NBPF12: variants seen among roughly 807,000 people sequenced by gnomAD.
The protein encoded by NBPF12 is NBPF member 12.
In NBPF12, 115 loss-of-function variants were observed where a neutral mutation model predicts 146.4. That is an observed-to-expected ratio of 0.79 (90% confidence interval 0.68 to 0.92). The LOEUF is 0.92. Ranked by LOEUF, NBPF12 falls within the 40% of genes least tolerant of loss-of-function variation. The pLI is 0.00. For missense variants in NBPF12, 1,205 were observed against 1,326.8 expected (o/e 0.91, Z 1.43); for synonymous variants, 385 against 508.9 (o/e 0.76, Z 3.28).
At chr1:146,950,824 T>C (rs1471194897) in intron 1 of NBPF12, among the ~76,000 whole-genome samples, 2 of 152,154 alleles carry the variant, frequency 1.3e-5, no homozygotes, top group Non-Finnish European at 2.9e-5. Flanking sequence ...TTGATAGATA[T>C]TTGAATGTTT....
In NBPF12 at chr1:146,984,936, CT is replaced by C; in HGVS notation, c.2794del (p.Tyr932ThrfsTer67). On this transcript the variant is annotated frameshift_variant, in exon 22 of 34. Coordinates refer to ENST00000617844, the Ensembl canonical transcript of NBPF12. LOFTEE classifies it high-confidence loss of function. The stretch of plus-strand genomic sequence containing the variant: ...ACTCATGCCAGCCCTACAGAAGTGC[CT>C]TTTACGTATTGGAGCAACAGCGTGT... 2.6e-6 allele frequency: 4 copies of C among 1,536,586 alleles called. No homozygotes were observed. The highest frequency in any genetic ancestry group is 2.7e-6 in the Non-Finnish European group (3 of 1,116,260).
chr1:146,962,717 C>T (rs1655937742), intron 5 of NBPF12, among the ~76,000 whole-genome samples: 6 of 148,396 alleles, frequency 4.0e-5, no homozygotes, highest in African/African-American at 1.3e-4. Context: ...CACCTGGCCT[C>T]ATTTCTGTAC....
At chr1:146,944,503 G>A (rs1279450688), upstream of NBPF12, among the ~76,000 whole-genome samples, 3 of 148,450 alleles carry the variant, frequency 2.0e-5, no homozygotes, top group African/African-American at 7.5e-5. Flanking sequence ...AGTGGACAAG[G>A]AGCAGCAGGG....
rs1304962910 is a variant in NBPF12 at position 146,969,104 on chromosome 1, T to G, written c.1092-278T>G. The stretch of plus-strand genomic sequence containing the variant: ...CAGAGTGAGGAACTGAAAGGATGTC[T>G]TTTTGAAACGGAATTAGGAAGACAC... On this transcript the variant is annotated intron_variant, in intron 10 of 33. Coordinates refer to ENST00000617844, the Ensembl canonical transcript of NBPF12. Among the ~76,000 whole-genome samples, 206 of 151,466 alleles carry G rather than the reference T, an allele frequency of 1.4e-3. 8 individuals carry two copies. The highest frequency in any genetic ancestry group is 4.7e-3 in the African/African-American group (193 of 40,994).
At chr1:146,972,816 G>C in exon 14 of NBPF12, 3 of 1,367,530 alleles carry the variant, frequency 2.2e-6, no homozygotes, top group South Asian at 2.3e-5. Flanking sequence ...TTTGTCCAGC[G>C]AGAAGGCAGA....
At chr1:146,971,183 G>A in exon 13 of NBPF12, 1 of 1,611,232 alleles carries the variant, frequency 6.2e-7, no homozygotes, top group Non-Finnish European at 8.5e-7. Flanking sequence ...GGCTCATCAG[G>A]GAGATGCAGA....
chr1:146,963,266 G>T (rs1448885704), exon 6 of NBPF12: 16 of 1,611,862 alleles, frequency 9.9e-6, no homozygotes, highest in Admixed American at 6.7e-5. Context: ...AGCTGGCTGA[G>T]GGGTGTAGAC....
exon 7 of NBPF12, chr1:146,964,428 A>G (rs1332297575): frequency 6.2e-7 from 1 of 1,601,216 alleles, no homozygotes; most frequent in Non-Finnish European, 8.5e-7. Flanking sequence ...ATCTGCCCCC[A>G]GGTAACACTG....
chr1:146,946,198 G>A (rs1392263433), upstream of NBPF12, among the ~76,000 whole-genome samples: 6 of 151,466 alleles, frequency 4.0e-5, no homozygotes, highest in South Asian at 2.1e-4. Flanking sequence ...GGTGAAAGAC[G>A]TCTTGGGTAC....
upstream of NBPF12, among the ~76,000 whole-genome samples, chr1:146,946,499 T>G (rs1274846032): frequency 2.7e-5 from 4 of 146,306 alleles, no homozygotes; most frequent in Non-Finnish European, 4.5e-5. Flanking sequence ...AATGAGGTGT[T>G]CAGATCTTTC....
exon 8 of NBPF12, chr1:146,965,087 C>T (rs1656102619): frequency 1.9e-6 from 3 of 1,593,912 alleles, no homozygotes; most frequent in Non-Finnish European, 2.6e-6. Context: ...TGTCAGGATG[C>T]TCTAAACATT....
chr1:146,954,900 C>CGTGTGT (rs1185399956), intron 2 of NBPF12, among the ~76,000 whole-genome samples: 18 of 111,014 alleles, frequency 1.6e-4, no homozygotes, highest in South Asian at 3.1e-4. Context: ...CACACACAAA[C>CGTGTGT]GTGTGTGTGT....
chr1:146,956,118 C>T (rs1456305754), intron 2 of NBPF12, among the ~76,000 whole-genome samples: 2 of 151,622 alleles, frequency 1.3e-5, no homozygotes, highest in Non-Finnish European at 2.9e-5. Flanking sequence ...ATAGCCCAAA[C>T]GCGGAATGAT....
chr1:146,940,406 C>G (rs1654744885), intron 1 of NBPF12, among the ~76,000 whole-genome samples: 1 of 151,986 alleles, frequency 6.6e-6, no homozygotes, highest in Non-Finnish European at 1.5e-5. Context: ...GAGTTCCAGA[C>G]CAGCCTGGGC....
rs1654653516 is a variant in NBPF12, at chr1:146,938,984, T to G, written c.-822+2T>G. On this transcript the variant is annotated splice_donor_variant, in intron 1 of 35. Transcript: ENST00000617931. LOFTEE classifies it low-confidence loss of function (5UTR_SPLICE). ...CGAAGTCCACCCAGCGTTCCGGAGGTGAGGGCGCCGCGCCAGGCCGGGCGG... is the reference window on the plus strand; with the variant it reads ...CGAAGTCCACCCAGCGTTCCGGAGGGGAGGGCGCCGCGCCAGGCCGGGCGG... 6.6e-6 allele frequency: 1 copy of G among 152,074 alleles called. No individual in the cohort carries two copies. Among genetic ancestry groups the G allele is most frequent in the African/African-American group, 2.4e-5 (1 of 41,246 alleles). The allele number at this position is 152,074 out of a possible 1,614,324, so 9.4% of individuals were successfully genotyped here. A position where few individuals can be genotyped will look rare whatever the true frequency, so the allele number is the denominator to read the frequency against.
Position 146,966,505 on chromosome 1 carries a change from G to T in NBPF12, c.820G>T (p.Val274Leu), listed in dbSNP as rs1656220944. Residue 274 changes from valine (V) to leucine (L), a missense_variant, in exon 9 of 34, where the codon GTA becomes TTA. By Grantham distance (32) the Val-to-Leu change is conservative. This residue lies in a region of NBPF12 where 325 missense variants were observed against 236.6 expected (regional missense o/e 1.37). Transcript: ENST00000617844. ...TTCTGCCACAAACGTCAGCATGGTGGTATCAGCCGGCCCTTTGTCCAGCGA... is the reference window on the plus strand; with the variant it reads ...TTCTGCCACAAACGTCAGCATGGTGTTATCAGCCGGCCCTTTGTCCAGCGA... 30 of 1,466,320 alleles carry T rather than the reference G, an allele frequency of 2.0e-5. 1 individual carries two copies. Among genetic ancestry groups the T allele is most frequent in the South Asian group, 2.0e-4 (18 of 88,020 alleles). The allele number at this position is 1,466,320 out of a possible 1,614,324, so 90.8% of individuals were successfully genotyped here. A position where few individuals can be genotyped will look rare whatever the true frequency, so the allele number is the denominator to read the frequency against.
chr1:146,960,233 G>T lies in NBPF12; in HGVS notation c.90G>T (p.Glu30Asp), dbSNP rs1316087419. 1.1e-5 allele frequency: 14 copies of T among 1,311,294 alleles called. No homozygotes were observed. The East Asian group carries it at 3.0e-4, about 28-fold the overall frequency. The allele number at this position is 1,311,294 out of a possible 1,614,324, so 81.2% of individuals were successfully genotyped here. A position where few individuals can be genotyped will look rare whatever the true frequency, so the allele number is the denominator to read the frequency against. ...AGAAATTGCGCCCCCAGTTGGCAGA[G>T]AACAAACAGCAGTTCAGAAACCTCA... The change falls in exon 4 of 34, where the codon GAG becomes GAT. Residue 30 changes from glutamate (E) to aspartate (D), a missense_variant. Glu to Asp is a conservative substitution (Grantham distance 45). This residue lies in a region of NBPF12 where 138 missense variants were observed against 101.7 expected (regional missense o/e 1.36). Coordinates refer to ENST00000617844, the Ensembl canonical transcript of NBPF12.
rs1449665741 is a variant in NBPF12, at chr1:146,980,200, A to G, written c.2450+1190A>G. 4.1e-4 allele frequency among the ~76,000 whole-genome samples: 62 copies of G among 152,006 alleles called. 2 individuals carry two copies. The South Asian group carries it at 0.011, about 28-fold the overall frequency. On this transcript the variant is annotated intron_variant, in intron 19 of 33. Coordinates refer to ENST00000617844, the Ensembl canonical transcript of NBPF12. ...TCCTCCATCCCTTTATTTTGAGCCT[A>G]TGTGTGTCTCTGCATGTGAGATGGG...
At chr1:146,942,130 T>G (rs2101805973) in intron 1 of NBPF12, among the ~76,000 whole-genome samples, 1 of 151,354 alleles carries the variant, frequency 6.6e-6, no homozygotes, top group Non-Finnish European at 1.5e-5. Context: ...AGTGCTGGGA[T>G]TACGGCATGC....
Sources: gnomAD v4.1 joint callset for allele counts (sites outside exome capture counted in the v4.1 genomes callset) on GRCh38, gnomAD v4.1.1 for gene constraint, gnomAD v4.1.1 regional missense constraint, MANE v1.5 for transcripts, NCBI Gene and HGNC (gene_info 2026-07-23, HGNC 2026-07-21) for gene names.